R3HDM1: variants seen among roughly 807,000 people sequenced by gnomAD.
R3HDM1 encodes the protein R3H domain containing 1.
R3HDM1 carries 46 observed loss-of-function variants against 141.1 expected under a neutral mutation model. The observed-to-expected ratio is 0.33, with a 90% CI of 0.26 to 0.42. The LOEUF is 0.42. R3HDM1 is among the 10% of genes least tolerant of loss of function. The pLI is 1.00. For missense variants in R3HDM1, 1,184 were observed against 1,368.3 expected, an observed-to-expected ratio of 0.87 and a Z score of 2.12; for synonymous variants, 435 against 472.9, an observed-to-expected ratio of 0.92 and a Z score of 1.04.
chr2:135,669,109 CTAAT>C, intron 19 of R3HDM1: 1 of 978,300 alleles, frequency 1.0e-6, no homozygotes, highest in Non-Finnish European at 1.2e-6. Context: ...GTGGCCCTTC[CTAAT>C]TGTTTAATAC....
intron 1 of R3HDM1, among the ~76,000 whole-genome samples, chr2:135,569,292 G>C (rs918019619): frequency 1.3e-5 from 2 of 152,028 alleles, no homozygotes; most frequent in African/African-American, 4.8e-5. Context: ...AGACCAGCCT[G>C]GACAACATAG....
At chr2:135,708,270 T>A (rs894451030) in intron 21 of R3HDM1, among the ~76,000 whole-genome samples, 1 of 152,206 alleles carries the variant, frequency 6.6e-6, no homozygotes, top group African/African-American at 2.4e-5. Flanking sequence ...ATCCAGTTAA[T>A]ATTTGTATTT....
intron 1 of R3HDM1, among the ~76,000 whole-genome samples, chr2:135,551,686 A>G (rs1438760992): frequency 6.6e-6 from 1 of 152,226 alleles, no homozygotes; most frequent in Admixed American, 6.5e-5. Context: ...ATTGTGGGGT[A>G]TTAGGAGAAT....
In R3HDM1 at chr2:135,722,534, C is replaced by T; in HGVS notation, c.3030C>T (p.Asp1010=). 1 of 1,613,132 alleles carries T rather than the reference C, an allele frequency of 6.2e-7. No homozygotes were observed. Among genetic ancestry groups the T allele is most frequent in the Non-Finnish European group, 8.5e-7 (1 of 1,179,854 alleles). ...RRQAKKAAST[D]LGAGETVVGK... is the part of the protein sequence containing the mutation. ...AAGCTAAAAAAGCTGCATCCACAGA[C>T]CTTGGAGCAGGAGAAACAGGTATGT... Residue 1010 remains aspartate (D), a synonymous_variant, in exon 26 of 27, where the codon GAC becomes GAT. Coordinates refer to ENST00000683871, the MANE Select transcript of R3HDM1 (RefSeq NM_001378107.1).
chr2:135,669,643 A>T lies in R3HDM1; in HGVS notation c.2153-5689A>T, dbSNP rs1316833967. ...ATTTTAGAATCAGACAGCTGTGTGCAGCTCTCAGCTACACATTTGATAGCT... is the reference window on the plus strand; with the variant it reads ...ATTTTAGAATCAGACAGCTGTGTGCTGCTCTCAGCTACACATTTGATAGCT... On this transcript the variant is annotated intron_variant, in intron 19 of 26. Transcript: ENST00000683871. The T allele has an allele frequency of 8.9e-6, 8 of 894,010 alleles. No individual in the cohort carries two copies. In the South Asian group the frequency reaches 2.6e-4, roughly 29 times the overall value. The allele number at this position is 894,010 out of a possible 1,614,324, so 55.4% of individuals were successfully genotyped here.
intron 1 of R3HDM1, among the ~76,000 whole-genome samples, chr2:135,544,158 A>G (rs1373234380): frequency 1.3e-5 from 2 of 152,212 alleles, no homozygotes; most frequent in African/African-American, 4.8e-5. Flanking sequence ...GTTTTCATTC[A>G]TTTATATTTG....
chr2:135,584,831 C>T (rs1707515436), intron 1 of R3HDM1, among the ~76,000 whole-genome samples: 1 of 152,106 alleles, frequency 6.6e-6, no homozygotes, highest in South Asian at 2.1e-4. Context: ...AAGTGGGTTG[C>T]TTCATTATTC....
At chr2:135,588,118 ACTCT>A (rs1033202782) in intron 1 of R3HDM1, among the ~76,000 whole-genome samples, 1 of 137,070 alleles carries the variant, frequency 7.3e-6, no homozygotes, top group African/African-American at 2.7e-5. Flanking sequence ...TGCCCCTCTG[ACTCT>A]CTCTCCCTGT....
rs905810135 is a variant in R3HDM1 at position 135,705,569 on chromosome 2, A to G, written c.2460-3864A>G. ...GAGGATCACTTGAGCCCAAGTGTTCAGTGCTTCAGTAACCTATGATAACAC... is the reference window on the plus strand; with the variant it reads ...GAGGATCACTTGAGCCCAAGTGTTCGGTGCTTCAGTAACCTATGATAACAC... On this transcript the variant is annotated intron_variant, in intron 21 of 26. Coordinates refer to ENST00000683871, the MANE Select transcript of R3HDM1 (RefSeq NM_001378107.1). Among the ~76,000 whole-genome samples, 4 of 152,184 alleles carry G rather than the reference A, an allele frequency of 2.6e-5. No individual in the cohort carries two copies. The East Asian group carries it at 7.7e-4, about 29-fold the overall frequency.
chr2:135,636,245 C>T, intron 11 of R3HDM1, 62 bp downstream of exon 11: 1 of 1,541,214 alleles, frequency 6.5e-7, no homozygotes, highest in Non-Finnish European at 8.7e-7. Flanking sequence ...TGTAGGGTCT[C>T]AGTCTCCCTT....
At chr2:135,719,008 C>T (rs1292097763) in intron 24 of R3HDM1, among the ~76,000 whole-genome samples, 1 of 152,000 alleles carries the variant, frequency 6.6e-6, no homozygotes, top group African/African-American at 2.4e-5. Context: ...ATTAGCCGGG[C>T]ATGGTGGCGC....
intron 21 of R3HDM1, among the ~76,000 whole-genome samples, chr2:135,706,523 G>T (rs929101600): frequency 2.0e-5 from 3 of 152,032 alleles, no homozygotes; most frequent in Non-Finnish European, 4.4e-5. Context: ...AGGACCCTGC[G>T]GCCTTACGCA....
intron 26 of R3HDM1, among the ~76,000 whole-genome samples, chr2:135,723,016 T>C (rs1399475637): frequency 6.6e-6 from 1 of 152,198 alleles, no homozygotes; most frequent in Non-Finnish European, 1.5e-5. Flanking sequence ...TTCAGAAAAA[T>C]GTTTGAGATC....
chr2:135,538,932 T>A (rs1420549823), intron 1 of R3HDM1, among the ~76,000 whole-genome samples: 1 of 152,132 alleles, frequency 6.6e-6, no homozygotes. Context: ...TTTGTTGTTG[T>A]TGTTGTTGTT....
chr2:135,616,223 G>C, intron 4 of R3HDM1, 30 bp downstream of exon 4: 2 of 1,584,368 alleles, frequency 1.3e-6, no homozygotes, highest in Non-Finnish European at 1.7e-6. Context: ...GTGCTGGCAT[G>C]CCAAGGGCCT....
chr2:135,533,856 A>G, intron 1 of R3HDM1: 1 of 404,930 alleles, frequency 2.5e-6, no homozygotes, highest in Non-Finnish European at 3.3e-6. Flanking sequence ...CTGGGCAACA[A>G]GAGCGAAACT....
intron 23 of R3HDM1, among the ~76,000 whole-genome samples, chr2:135,712,034 A>G (rs2105444005): frequency 6.6e-6 from 1 of 151,988 alleles, no homozygotes; most frequent in Non-Finnish European, 1.5e-5. Context: ...AATATTTACA[A>G]GTAAAATGCT....
intron 1 of R3HDM1, among the ~76,000 whole-genome samples, chr2:135,570,318 C>T (rs1461451675): frequency 1.3e-5 from 2 of 152,132 alleles, no homozygotes; most frequent in Admixed American, 1.3e-4. Flanking sequence ...AAGTATCTTC[C>T]ATGTGTAATG....
At chr2:135,681,495 G>C (rs2070300982) in intron 21 of R3HDM1, among the ~76,000 whole-genome samples, 1 of 152,192 alleles carries the variant, frequency 6.6e-6, no homozygotes, top group South Asian at 2.1e-4. Context: ...CTGCTTTAAA[G>C]TATTTAAAGT....
Sources: gnomAD v4.1 joint callset for allele counts (sites outside exome capture counted in the v4.1 genomes callset) on GRCh38, gnomAD v4.1.1 for gene constraint, MANE v1.5 for transcripts, NCBI Gene and HGNC (gene_info 2026-07-23, HGNC 2026-07-21) for gene names.